The following TMEM156 variants were observed in gnomAD, a reference collection of about 807,000 sequenced individuals.
The protein encoded by TMEM156 is transmembrane protein 156.
In TMEM156, 28 loss-of-function variants were observed where a neutral mutation model predicts 30.5. The observed-to-expected ratio is 0.92, with a 90% CI of 0.68 to 1.26. TMEM156 has a LOEUF of 1.26. Ranked by LOEUF, TMEM156 falls within the 50% of genes most tolerant of loss-of-function variation. TMEM156 has a pLI of 0.00. For synonymous variants in TMEM156, 137 were observed against 119.9 expected, an observed-to-expected ratio of 1.14 and a Z score of -0.93; for missense variants, 351 against 340.6, an observed-to-expected ratio of 1.03 and a Z score of -0.24.
intron 1 of TMEM156, among the ~76,000 whole-genome samples, chr4:39,002,648 T>A (rs1293772618): frequency 6.7e-6 from 1 of 149,078 alleles, no homozygotes; most frequent in Non-Finnish European, 1.5e-5. Flanking sequence ...TGCCCAACAA[T>A]GATAGACTGG....
intron 3 of TMEM156, among the ~76,000 whole-genome samples, chr4:38,990,795 G>T (rs1367266907): frequency 7.0e-6 from 1 of 142,760 alleles, no homozygotes; most frequent in Non-Finnish European, 1.5e-5. Flanking sequence ...AAAGTTGGTT[G>T]TTGCTGTTGC....
intron 1 of TMEM156, among the ~76,000 whole-genome samples, chr4:39,020,691 A>C (rs1714808978): frequency 6.6e-6 from 1 of 152,132 alleles, no homozygotes; most frequent in Non-Finnish European, 1.5e-5. Context: ...CTGTGACAAC[A>C]GGCACATGCC....
chr4:38,985,182 T>C (rs948568259), intron 5 of TMEM156, among the ~76,000 whole-genome samples: 9 of 152,226 alleles, frequency 5.9e-5, no homozygotes, highest in African/African-American at 2.2e-4. Context: ...TTTTTGCCTT[T>C]TAAAAATTAA....
At chr4:38,984,353 G>C (rs35141044) in intron 5 of TMEM156, among the ~76,000 whole-genome samples, 18,718 of 67,868 alleles carry the variant, frequency 0.28, 1,140 homozygotes, top group African/African-American at 0.38. Flanking sequence ...CTCTCTCTGT[G>C]TGTGTGTGTG....
At chr4:39,008,497 T>C (rs1713894149) in intron 1 of TMEM156, among the ~76,000 whole-genome samples, 6 of 152,184 alleles carry the variant, frequency 3.9e-5, no homozygotes, top group Admixed American at 3.9e-4. Flanking sequence ...TTGCTGCTTG[T>C]GTATTCTTAA....
In TMEM156 at chr4:38,990,528, AT is replaced by A. The variant is rs879276757; in HGVS notation, c.620-1559del. On this transcript the variant is annotated intron_variant, in intron 3 of 6. Transcript: ENST00000381938. ...GAAACAGAACCAACTTCATATTGCA[AT>A]AACACAAGACACATGATGGGGACCA... is the stretch of plus-strand genomic sequence containing the variant. 4.6e-5 allele frequency among the ~76,000 whole-genome samples: 7 copies of A among 152,288 alleles called. No individual in the cohort carries two copies. In the South Asian group the frequency reaches 6.2e-4, roughly 14 times the overall value.
At chr4:38,984,481 C>T (rs1368273934) in intron 5 of TMEM156, among the ~76,000 whole-genome samples, 1 of 151,804 alleles carries the variant, frequency 6.6e-6, no homozygotes, top group Non-Finnish European at 1.5e-5. Flanking sequence ...GAATGTGACA[C>T]AGTCACCACC....
At chr4:39,014,651 G>A (rs777980776) in intron 1 of TMEM156, among the ~76,000 whole-genome samples, 38 of 147,720 alleles carry the variant, frequency 2.6e-4, no homozygotes, top group South Asian at 8.4e-4. Flanking sequence ...CCAGCTACTC[G>A]GGAGGCTGAG....
At chr4:38,983,168 C>A (rs959577216) in intron 5 of TMEM156, among the ~76,000 whole-genome samples, 2 of 151,964 alleles carry the variant, frequency 1.3e-5, no homozygotes, top group Non-Finnish European at 2.9e-5. Context: ...TGGTTTCCTG[C>A]CCTCCCTCAC....
At chr4:39,015,175 C>T (rs942073591) in intron 1 of TMEM156, among the ~76,000 whole-genome samples, 5 of 151,948 alleles carry the variant, frequency 3.3e-5, no homozygotes, top group Admixed American at 1.3e-4. Flanking sequence ...TTACTTGTAC[C>T]TTCTCTCATT....
At chr4:38,990,855 A>C (rs1463156849) in intron 3 of TMEM156, among the ~76,000 whole-genome samples, 1 of 12,480 alleles carries the variant, frequency 8.0e-5, no homozygotes, top group Non-Finnish European at 1.6e-4. Flanking sequence ...TTTTTTTTTG[A>C]GAGGGAGTCT....
At chr4:39,019,713 T>C (rs1560384666) in intron 1 of TMEM156, among the ~76,000 whole-genome samples, 1 of 152,204 alleles carries the variant, frequency 6.6e-6, no homozygotes, top group Non-Finnish European at 1.5e-5. Flanking sequence ...ATTTATGGTA[T>C]ACAATGTGAT....
At chr4:38,973,042 G>A (rs1299012428) in intron 5 of TMEM156, among the ~76,000 whole-genome samples, 1 of 152,132 alleles carries the variant, frequency 6.6e-6, no homozygotes, top group Non-Finnish European at 1.5e-5. Flanking sequence ...ATAGTTTAAT[G>A]TTTAAATTAA....
At chr4:39,006,679 G>C (rs536482540) in intron 1 of TMEM156, among the ~76,000 whole-genome samples, 15 of 152,272 alleles carry the variant, frequency 9.9e-5, no homozygotes, top group Admixed American at 2.6e-4. Context: ...CCCTTTGGGA[G>C]GCCAAGGTGG....
chr4:38,999,879 C>T (rs2109981943), intron 1 of TMEM156, among the ~76,000 whole-genome samples: 1 of 152,298 alleles, frequency 6.6e-6, no homozygotes, highest in East Asian at 1.9e-4. Flanking sequence ...AGACCTTCAA[C>T]TTAGTCACAT....
chr4:38,969,699 C>T (rs1195862378), intron 6 of TMEM156, among the ~76,000 whole-genome samples: 1 of 152,154 alleles, frequency 6.6e-6, no homozygotes, highest in Non-Finnish European at 1.5e-5. Context: ...CTCAAGTGAT[C>T]TTCCTGCCTC....
At chr4:38,992,679 ATAT>A (rs1222274495) in intron 3 of TMEM156, among the ~76,000 whole-genome samples, 4 of 58,618 alleles carry the variant, frequency 6.8e-5, no homozygotes, top group Admixed American at 6.7e-4. Context: ...TATATATAAT[ATAT>A]TATATAATAT....
At chr4:38,994,331 G>A (rs1712767704) in intron 2 of TMEM156, among the ~76,000 whole-genome samples, 1 of 152,008 alleles carries the variant, frequency 6.6e-6, no homozygotes, top group African/African-American at 2.4e-5. Context: ...TTGCTATGTT[G>A]TCCAGGCTGG....
chr4:39,015,578 G>A (rs760720667), intron 1 of TMEM156, among the ~76,000 whole-genome samples: 35 of 152,148 alleles, frequency 2.3e-4, no homozygotes, highest in Admixed American at 5.9e-4. Flanking sequence ...ATTTTAGCCC[G>A]GGGATACCTC....
Sources: allele counts gnomAD v4.1 joint callset (sites outside exome capture counted in the v4.1 genomes callset), GRCh38; gene constraint gnomAD v4.1.1; transcripts MANE v1.5; gene names NCBI Gene and HGNC (gene_info 2026-07-23, HGNC 2026-07-21).